Variants in TENM2 observed in about 807,000 individuals in gnomAD.
TENM2 encodes teneurin-2.
In TENM2, 52 loss-of-function variants were observed where a neutral mutation model predicts 245.2. The observed-to-expected ratio is 0.21, with a 90% CI of 0.17 to 0.27. The LOEUF (loss-of-function observed/expected upper bound fraction) is 0.27, where lower values mean the gene tolerates loss of function less well. TENM2 is among the 10% of genes least tolerant of loss of function. TENM2 has a pLI of 1.00. For synonymous variants in TENM2, 1,363 were observed against 1,438.9 expected, an observed-to-expected ratio of 0.95 and a Z score of 1.19; for missense variants, 3,046 against 3,666.8, an observed-to-expected ratio of 0.83 and a Z score of 4.37.
intron 2 of TENM2, among the ~76,000 whole-genome samples, chr5:167,780,801 T>C (rs1764138463): frequency 6.6e-6 from 1 of 152,216 alleles, no homozygotes; most frequent in African/African-American, 2.4e-5. Flanking sequence ...AATGATTCAG[T>C]ATTCTCTAAT....
At position 167,288,105 on chromosome 5, in the gene TENM2, C is replaced by T. The variant is rs150360811; in HGVS notation, c.226+3042C>T. On this transcript the variant is annotated intron_variant, in intron 1 of 28. Transcript: ENST00000518659. Reference sequence around the variant, plus strand: ...TTAGGGTGAAGAGCAATGTGATATACAAGACATTCTCCTGGGGCTTAGGAG... The same window carrying T: ...TTAGGGTGAAGAGCAATGTGATATATAAGACATTCTCCTGGGGCTTAGGAG... Among the ~76,000 whole-genome samples, 34 of 152,202 alleles carry T rather than the reference C, an allele frequency of 2.2e-4. No homozygotes were observed. The East Asian group carries it at 6.4e-3, about 29-fold the overall frequency.
chr5:167,890,501 G>A (rs1774660780), intron 3 of TENM2, among the ~76,000 whole-genome samples: 1 of 152,112 alleles, frequency 6.6e-6, no homozygotes, highest in African/African-American at 2.4e-5. Context: ...AGTTTGATTT[G>A]TCCTGCTTGG....
chr5:167,860,081 C>G (rs1454605973), intron 2 of TENM2, among the ~76,000 whole-genome samples: 1 of 76,014 alleles, frequency 1.3e-5, no homozygotes, highest in Non-Finnish European at 3.0e-5. Context: ...CCCCCCTGCC[C>G]GGCCAGCCGC....
At chr5:167,592,161 A>G (rs1329049093) in intron 2 of TENM2, among the ~76,000 whole-genome samples, 1 of 152,196 alleles carries the variant, frequency 6.6e-6, no homozygotes, top group Non-Finnish European at 1.5e-5. Context: ...ATCAAAGTTC[A>G]GTTCCTCAGC....
At chr5:167,531,462 C>T (rs888465596) in intron 2 of TENM2, among the ~76,000 whole-genome samples, 1 of 151,866 alleles carries the variant, frequency 6.6e-6, no homozygotes, top group Non-Finnish European at 1.5e-5. Flanking sequence ...CAGTCTGACA[C>T]GTCCATCACT....
intron 27 of TENM2, among the ~76,000 whole-genome samples, chr5:168,255,185 A>G (rs1767538586): frequency 6.6e-6 from 1 of 152,234 alleles, no homozygotes; most frequent in African/African-American, 2.4e-5. Context: ...ATTAAGTAAC[A>G]AAAAAACACA....
the TENM2 span, among the ~76,000 whole-genome samples, chr5:167,069,200 G>A: frequency 6.6e-6 from 1 of 152,104 alleles, no homozygotes; most frequent in Non-Finnish European, 1.5e-5. Flanking sequence ...AAGGGAGCTG[G>A]TAGTTTGAAT....
the TENM2 span, among the ~76,000 whole-genome samples, chr5:167,194,925 T>C: frequency 6.6e-6 from 1 of 151,978 alleles, no homozygotes; most frequent in Non-Finnish European, 1.5e-5. Flanking sequence ...AGCAGTGAGG[T>C]CTGTTAGGTG....
At chr5:167,899,469 G>A (rs998482350) in intron 3 of TENM2, among the ~76,000 whole-genome samples, 18 of 152,218 alleles carry the variant, frequency 1.2e-4, no homozygotes, top group African/African-American at 3.9e-4. Context: ...CGTGTGCCAC[G>A]CTCCTGGCCA....
chr5:168,257,392 G>A (rs1767765725), intron 27 of TENM2, among the ~76,000 whole-genome samples: 1 of 152,110 alleles, frequency 6.6e-6, no homozygotes, highest in Non-Finnish European at 1.5e-5. Flanking sequence ...AAGCCCGCTG[G>A]GCAGAGGGCC....
At chr5:167,739,813 G>A (rs536588799) in intron 2 of TENM2, among the ~76,000 whole-genome samples, 5 of 152,254 alleles carry the variant, frequency 3.3e-5, no homozygotes, top group African/African-American at 1.2e-4. Context: ...GGAGTGCAGA[G>A]TTGAGACATT....
At chr5:166,994,441 T>G in the TENM2 span, among the ~76,000 whole-genome samples, 1 of 152,208 alleles carries the variant, frequency 6.6e-6, no homozygotes, top group East Asian at 1.9e-4. Flanking sequence ...AGGCTCCCTC[T>G]GAGCCAAGTT....
the TENM2 span, among the ~76,000 whole-genome samples, chr5:166,997,529 T>C: frequency 1.3e-5 from 2 of 152,188 alleles, no homozygotes; most frequent in African/African-American, 2.4e-5. Flanking sequence ...ATTTTATAAA[T>C]ATAGTATACT....
Position 168,124,996 on chromosome 5 carries a change from G to C in TENM2, c.2155G>C (p.Asp719His), listed in dbSNP as rs573445590. 11 of 1,611,136 alleles carry C rather than the reference G, an allele frequency of 6.8e-6. No homozygotes were observed. The African/African-American group carries it at 1.3e-4, about 20-fold the overall frequency. Residue 719 changes from aspartate to histidine, a missense_variant, in exon 11 of 29, where the codon GAC becomes CAC. This residue lies in a region of TENM2 where 2,704 missense variants were observed against 3,331.9 expected (regional missense o/e 0.81). Coordinates refer to ENST00000518659, the Ensembl canonical transcript of TENM2. ...CAGTGGGCATGGCACGTACCTGCCTGACACGGGCCTCTGCAGCTGCGATCC... is the reference window on the plus strand; with the variant it reads ...CAGTGGGCATGGCACGTACCTGCCTCACACGGGCCTCTGCAGCTGCGATCC...
the TENM2 span, among the ~76,000 whole-genome samples, chr5:167,074,442 A>G: frequency 6.6e-6 from 1 of 152,342 alleles, no homozygotes; most frequent in South Asian, 2.1e-4. Flanking sequence ...TGTTCATAAT[A>G]CAATGATCAG....
chr5:167,837,507 T>G (rs201674859), intron 2 of TENM2, among the ~76,000 whole-genome samples: 2 of 152,176 alleles, frequency 1.3e-5, no homozygotes, highest in East Asian at 3.9e-4. Flanking sequence ...GTCTAAAACA[T>G]AGCATTCATT....
intron 3 of TENM2, among the ~76,000 whole-genome samples, chr5:167,931,809 T>C (rs952308778): frequency 8.5e-5 from 13 of 152,202 alleles, no homozygotes; most frequent in African/African-American, 2.4e-4. Flanking sequence ...TGAGCCCTTA[T>C]GCCTTTTCCC....
intron 2 of TENM2, among the ~76,000 whole-genome samples, chr5:167,841,520 C>T (rs992690112): frequency 1.3e-5 from 2 of 152,166 alleles, no homozygotes; most frequent in African/African-American, 2.4e-5. Context: ...CCCACACAAG[C>T]GTGTATATTA....
chr5:168,248,009 T>C, exon 27 of TENM2: 6 of 1,613,922 alleles, frequency 3.7e-6, no homozygotes, highest in African/African-American at 1.3e-5. Context: ...CTCTTTGCCA[T>C]GGAGAGCAGC....
Sources: allele counts gnomAD v4.1 joint callset (sites outside exome capture counted in the v4.1 genomes callset), GRCh38; gene constraint gnomAD v4.1.1; regional missense constraint gnomAD v4.1.1; transcripts MANE v1.5; gene names NCBI Gene and HGNC (gene_info 2026-07-23, HGNC 2026-07-21).